PCDH15: variants seen among roughly 807,000 people sequenced by gnomAD.
The protein encoded by PCDH15 is protocadherin-15.
In PCDH15, 129 loss-of-function variants were observed where a neutral mutation model predicts 178.5. That is an observed-to-expected ratio of 0.72 (90% CI 0.63 to 0.84). The LOEUF (loss-of-function observed/expected upper bound fraction) is 0.84. PCDH15 is among the 40% of genes least tolerant of loss of function. The pLI, the probability that PCDH15 is intolerant of heterozygous loss-of-function variation, is 0.00. For missense variants in PCDH15, 2,230 were observed against 2,099.9 expected (o/e 1.06, Z -1.21); for synonymous variants, 800 against 732.0 (o/e 1.09, Z -1.50).
At chr10:55,551,320 A>C (rs547846859) in intron 2 of PCDH15, among the ~76,000 whole-genome samples, 1 of 152,084 alleles carries the variant, frequency 6.6e-6, no homozygotes, top group South Asian at 2.1e-4. Flanking sequence ...TTATTCTTTC[A>C]GTTACTGTTG....
chr10:54,394,182 G>C (rs531851996), intron 3 of PCDH15, among the ~76,000 whole-genome samples: 13 of 152,020 alleles, frequency 8.6e-5, no homozygotes, highest in Non-Finnish European at 1.6e-4. Flanking sequence ...GATATTTTTT[G>C]CCATAAATTA....
chr10:54,949,463 C>G (rs1302998867), intron 2 of PCDH15, among the ~76,000 whole-genome samples: 2 of 152,038 alleles, frequency 1.3e-5, no homozygotes, highest in African/African-American at 2.4e-5. Context: ...CTGGGAGGAA[C>G]TGCTGTGAAG....
chr10:55,237,808 T>C (rs1841424361), intron 1 of PCDH15, among the ~76,000 whole-genome samples: 1 of 151,936 alleles, frequency 6.6e-6, no homozygotes, highest in African/African-American at 2.4e-5. Flanking sequence ...ATTTAAGAAA[T>C]ATTTTCAATG....
Position 55,019,115 on chromosome 10 carries a change from A to G in PCDH15, c.-79-121615T>C, listed in dbSNP as rs1331440326. 5.3e-5 allele frequency among the ~76,000 whole-genome samples: 8 copies of G among 152,156 alleles called. No homozygotes were observed. The East Asian group carries it at 1.2e-3, about 22-fold the overall frequency. ...TCTTTTTTTATTATAATATTACATTATCAATCACTGACACGAAGTCATGAG... is the reference window on the plus strand; with the variant it reads ...TCTTTTTTTATTATAATATTACATTGTCAATCACTGACACGAAGTCATGAG... On this transcript the variant is annotated intron_variant, in intron 2 of 5. Coordinates refer to the PCDH15 transcript ENST00000458638.
At chr10:55,165,817 T>C (rs1022680323) in intron 2 of PCDH15, among the ~76,000 whole-genome samples, 2 of 152,074 alleles carry the variant, frequency 1.3e-5, no homozygotes, top group Non-Finnish European at 2.9e-5. Context: ...CTTAAACATG[T>C]TCCAGTTCTG....
At chr10:54,507,221 C>A (rs1408691230) in intron 3 of PCDH15, among the ~76,000 whole-genome samples, 1 of 151,732 alleles carries the variant, frequency 6.6e-6, no homozygotes, top group Non-Finnish European at 1.5e-5. Flanking sequence ...TCCCAATGAG[C>A]TTTTGAGGTA....
intron 21 of PCDH15, among the ~76,000 whole-genome samples, chr10:53,969,852 A>C (rs2134418621): frequency 6.6e-6 from 1 of 152,280 alleles, no homozygotes; most frequent in Middle Eastern, 3.4e-3. Flanking sequence ...AGAGCTCCTA[A>C]AAGGAAGCAC....
At chr10:54,354,367 A>C (rs1440530512) in intron 5 of PCDH15, among the ~76,000 whole-genome samples, 1 of 152,238 alleles carries the variant, frequency 6.6e-6, no homozygotes, top group Admixed American at 6.5e-5. Context: ...GTACATGCTT[A>C]AAGTAAAAAG....
chr10:55,528,934 T>C (rs1589113207), intron 2 of PCDH15, among the ~76,000 whole-genome samples: 1 of 152,134 alleles, frequency 6.6e-6, no homozygotes, highest in Admixed American at 6.6e-5. Flanking sequence ...TGGTGTGAGA[T>C]GGTATCTCAT....
chr10:55,333,606 T>C (rs1565020476), intron 2 of PCDH15, among the ~76,000 whole-genome samples: 1 of 152,032 alleles, frequency 6.6e-6, no homozygotes, highest in Admixed American at 6.6e-5. Context: ...TTTAAAGAAT[T>C]CATATATTTT....
At chr10:54,530,529 T>C (rs2083797939) in intron 2 of PCDH15, among the ~76,000 whole-genome samples, 1 of 152,164 alleles carries the variant, frequency 6.6e-6, no homozygotes, top group Non-Finnish European at 1.5e-5. Context: ...CCTGAAAGAA[T>C]GTTTGTTGAC....
chr10:55,249,780 T>C (rs1841786094), intron 1 of PCDH15, among the ~76,000 whole-genome samples: 1 of 151,990 alleles, frequency 6.6e-6, no homozygotes, highest in Non-Finnish European at 1.5e-5. Context: ...ATGTATCATA[T>C]ATATAAAGAA....
At chr10:55,260,029 G>C (rs6481153) in intron 1 of PCDH15, among the ~76,000 whole-genome samples, 102,151 of 151,206 alleles carry the variant, frequency 0.68, 34,594 homozygotes, top group East Asian at 0.84. Context: ...AATGGTATAA[G>C]TTTGTTTTAG....
intron 2 of PCDH15, among the ~76,000 whole-genome samples, chr10:55,591,643 T>C (rs1469722729): frequency 6.6e-6 from 1 of 152,108 alleles, no homozygotes; most frequent in Non-Finnish European, 1.5e-5. Flanking sequence ...AAATCTCACC[T>C]GAAGATGTCT....
At chr10:54,070,133 C>T (rs11004037) in intron 17 of PCDH15, among the ~76,000 whole-genome samples, 30,710 of 152,086 alleles carry the variant, frequency 0.2, 3,345 homozygotes, top group Non-Finnish European at 0.25. Flanking sequence ...TTAGAATTTC[C>T]TTTTGTAATA....
At chr10:53,903,771 G>T (rs975143920) in intron 25 of PCDH15, among the ~76,000 whole-genome samples, 3 of 152,012 alleles carry the variant, frequency 2.0e-5, no homozygotes, top group Non-Finnish European at 2.9e-5. Flanking sequence ...ACTATTATAT[G>T]AATATATATT....
chr10:54,813,278 C>T (rs1239326702), intron 3 of PCDH15, among the ~76,000 whole-genome samples: 1 of 152,160 alleles, frequency 6.6e-6, no homozygotes, highest in African/African-American at 2.4e-5. Context: ...CTGAGGTTTC[C>T]CATGGAGCAG....
At chr10:54,887,127 C>A (rs1368626122) in intron 3 of PCDH15, among the ~76,000 whole-genome samples, 1 of 152,146 alleles carries the variant, frequency 6.6e-6, no homozygotes, top group Non-Finnish European at 1.5e-5. Flanking sequence ...TAGAGTTAAG[C>A]AGAAAGTCAA....
At chr10:55,482,173 G>T (rs1589068604) in intron 2 of PCDH15, among the ~76,000 whole-genome samples, 1 of 151,686 alleles carries the variant, frequency 6.6e-6, no homozygotes, top group African/African-American at 2.4e-5. Context: ...TTTTCTATTT[G>T]CTTGGTAGAT....
Sources: gnomAD v4.1 joint callset for allele counts (sites outside exome capture counted in the v4.1 genomes callset) on GRCh38, gnomAD v4.1.1 for gene constraint, MANE v1.5 for transcripts, NCBI Gene and HGNC (gene_info 2026-07-23, HGNC 2026-07-21) for gene names.